The following ZNF721 variants were observed in gnomAD, a reference collection of about 807,000 sequenced individuals.
The protein encoded by ZNF721 is zinc finger protein 721.
ZNF721 carries 2 observed loss-of-function variants against 2.4 expected under a neutral mutation model. That is an observed-to-expected ratio of 0.82 (90% confidence interval 0.34 to 2.58). ZNF721 has a LOEUF of 2.58. Ranked by LOEUF, ZNF721 falls within the 30% of genes most tolerant of loss-of-function variation. The pLI, the probability that ZNF721 is intolerant of heterozygous loss-of-function variation, is 0.11. For synonymous variants in ZNF721, 398 were observed against 381.8 expected, an observed-to-expected ratio of 1.04 and a Z score of -0.50; for missense variants, 1,187 against 1,085.5, an observed-to-expected ratio of 1.09 and a Z score of -1.31.
At chr4:472,152 T>C (rs1248615997) in intron 2 of ZNF721, among the ~76,000 whole-genome samples, 1 of 152,226 alleles carries the variant, frequency 6.6e-6, no homozygotes, top group African/African-American at 2.4e-5. Context: ...AACCTCTGCC[T>C]CCCAGGTTCA....
At chr4:475,389 C>T (rs1715599486) in intron 1 of ZNF721, among the ~76,000 whole-genome samples, 1 of 151,974 alleles carries the variant, frequency 6.6e-6, no homozygotes, top group African/African-American at 2.4e-5. Flanking sequence ...TTGCTATGCC[C>T]CTCCTAGATT....
intron 2 of ZNF721, among the ~76,000 whole-genome samples, chr4:455,689 G>C (rs1009176910): frequency 6.6e-6 from 1 of 151,880 alleles, no homozygotes; most frequent in African/African-American, 2.4e-5. Flanking sequence ...CAAAATTACA[G>C]AAACAGTAAG....
chr4:475,419 C>G (rs1715599818), intron 1 of ZNF721, among the ~76,000 whole-genome samples: 1 of 152,060 alleles, frequency 6.6e-6, no homozygotes, highest in Non-Finnish European at 1.5e-5. Flanking sequence ...AAGTCATAAT[C>G]TGAGTATTGA....
At chr4:494,914 C>T (rs548453284) in intron 1 of ZNF721, among the ~76,000 whole-genome samples, 70 of 137,244 alleles carry the variant, frequency 5.1e-4, no homozygotes, top group Non-Finnish European at 8.7e-4. Context: ...TTTTTTGAGA[C>T]GGAGTCTCAC....
At chr4:493,171 TAA>T (rs79248295) in intron 1 of ZNF721, among the ~76,000 whole-genome samples, 64 of 131,782 alleles carry the variant, frequency 4.9e-4, no homozygotes, top group Admixed American at 4.7e-4. Flanking sequence ...ACTGAGACAG[TAA>T]AAAAAAAAAA....
chr4:442,849 G>A lies in ZNF721; in HGVS notation c.1618C>T (p.Gln540Ter), dbSNP rs1553863486. 3 of 1,613,250 alleles carry A rather than the reference G, an allele frequency of 1.9e-6. No individual in the cohort carries two copies. Among genetic ancestry groups the A allele is most frequent in the Non-Finnish European group, 2.5e-6 (3 of 1,179,746 alleles). The change falls in exon 3 of 3, where the codon CAG becomes TAG. Residue 540 changes from glutamine to a stop codon, truncating the protein, a stop_gained. Transcript: ENST00000511833. LOFTEE classifies it low-confidence loss of function (END_TRUNC). Reference protein sequence around the residue: ...TCEVCGKAFRQSAILYVHRRI... With the variant: ...TCEVCGKAFR ...CTATGTACATAAAGGATTGCGGACT[G>A]TCTAAAGGCTTTGCCACATACTTCA...
chr4:485,724 C>T (rs1715877559), intron 1 of ZNF721, among the ~76,000 whole-genome samples: 1 of 152,168 alleles, frequency 6.6e-6, no homozygotes, highest in South Asian at 2.1e-4. Context: ...GCCTGTAATC[C>T]CAGCACTTTG....
At position 443,000 on chromosome 4, in the gene ZNF721, A is replaced by G. The variant is rs782514186; in HGVS notation, c.1467T>C (p.Ala489=). 5 of 1,613,866 alleles carry G rather than the reference A, an allele frequency of 3.1e-6. No homozygotes were observed. The highest frequency in any genetic ancestry group is 1.1e-5 in the South Asian group (1 of 91,074). Residue 489 remains alanine, a synonymous_variant, in exon 3 of 3, where the codon GCT becomes GCC. Transcript: ENST00000511833. ...GKVITSSSSF[A]KHKRIHTGEK... is the part of the protein sequence containing the mutation. ...CGCCAGTATGAATCCTCTTATGTTT[A>G]GCAAAGCTTGAGGATGAGGTAATGA... is the stretch of plus-strand genomic sequence containing the variant.
At chr4:486,015 T>C (rs1321184247) in intron 1 of ZNF721, among the ~76,000 whole-genome samples, 1 of 151,974 alleles carries the variant, frequency 6.6e-6, no homozygotes, top group African/African-American at 2.4e-5. Flanking sequence ...GATTCTGGCT[T>C]AATTATTCCG....
At position 440,323 on chromosome 4, in the gene ZNF721, C is replaced by A. The variant is rs1560221669; in HGVS notation, c.*1372G>T. ...TATCTCTGACGCAGCAACAATTTAT[C>A]ACATGCTTTCACATAAATGAGAATG... is the stretch of plus-strand genomic sequence containing the variant. On this transcript the variant is annotated 3_prime_UTR_variant, in exon 3 of 3. Transcript: ENST00000511833. 1 of 152,164 alleles carries A rather than the reference C, an allele frequency of 6.6e-6. No homozygotes were observed. 9.4% of individuals were successfully genotyped at this position (152,164 alleles called of 1,614,324 possible).
chr4:454,072 T>C (rs1327897015), intron 2 of ZNF721: 1 of 149,982 alleles, frequency 6.7e-6, no homozygotes, highest in Non-Finnish European at 1.5e-5. Context: ...ATCAACAGCA[T>C]TGTCCCTAAT....
chr4:485,252 G>A (rs1715865063), intron 1 of ZNF721, among the ~76,000 whole-genome samples: 1 of 152,054 alleles, frequency 6.6e-6, no homozygotes, highest in African/African-American at 2.4e-5. Flanking sequence ...ATTTATTCTT[G>A]CCCTGACCCT....
rs568099466 is a variant in ZNF721 at position 498,366 on chromosome 4, G to A, written c.-94+690C>T. Among the ~76,000 whole-genome samples the A allele has an allele frequency of 1.4e-3, 209 of 152,278 alleles. 1 individual carries two copies. Among genetic ancestry groups the A allele is most frequent in the Non-Finnish European group, 2.6e-3 (174 of 68,030 alleles). On this transcript the variant is annotated intron_variant, in intron 1 of 2. Coordinates refer to ENST00000511833, the MANE Select transcript of ZNF721 (RefSeq NM_133474.4). ...GTTTCTGATAAGCCTCTCCAAAGGA[G>A]GCTATCAATATGCATTTATCTCAGT...
intron 2 of ZNF721, among the ~76,000 whole-genome samples, chr4:459,842 GT>G (rs1202733244): frequency 7.5e-4 from 113 of 151,642 alleles, no homozygotes; most frequent in Middle Eastern, 3.4e-3. Context: ...AAAAAAAAAG[GT>G]GGGGGAGGGG....
At chr4:447,855 T>C (rs1372357416) in intron 2 of ZNF721, among the ~76,000 whole-genome samples, 1 of 152,232 alleles carries the variant, frequency 6.6e-6, no homozygotes, top group Non-Finnish European at 1.5e-5. Context: ...GACAAATGTG[T>C]GTATACATAT....
intron 2 of ZNF721, 68 bp from the exon 3 acceptor site, chr4:444,500 A>G (rs782217806): frequency 7.1e-6 from 10 of 1,415,410 alleles, no homozygotes; most frequent in Admixed American, 5.0e-5. Flanking sequence ...TACAAATCAT[A>G]AGATTATACA....
At chr4:448,007 C>CAA (rs1345368593) in intron 2 of ZNF721, among the ~76,000 whole-genome samples, 1 of 151,896 alleles carries the variant, frequency 6.6e-6, no homozygotes, top group Non-Finnish European at 1.5e-5. Flanking sequence ...AATAATGAAA[C>CAA]AAGATAAAAT....
Position 442,678 on chromosome 4 carries a change from A to G in ZNF721, c.1789T>C (p.Tyr597His), listed in dbSNP as rs1714298589. The G allele has an allele frequency of 6.2e-7, 1 of 1,613,982 alleles. No individual in the cohort carries two copies. Among genetic ancestry groups the G allele is most frequent in the African/African-American group, 1.3e-5 (1 of 74,924 alleles). Residue 597 changes from tyrosine to histidine, a missense_variant, in exon 3 of 3, where the codon TAC becomes CAC. By Grantham distance (83) the Tyr-to-His change is moderately conservative. Coordinates refer to ENST00000511833, the MANE Select transcript of ZNF721 (RefSeq NM_133474.4). ...TTCTTGTGTTGATTCAGGTCTGTGT[A>G]CCGTCCAAAGGCTTTGCCACACTCT... ...CEECGKAFGR[Y>H]TDLNQHKKIH...
rs1236658452 is a variant in ZNF721 at position 474,062 on chromosome 4, G to C, written c.-93-1361C>G. The C allele has an allele frequency of 2.8e-6, 4 of 1,450,802 alleles. No individual in the cohort carries two copies. The East Asian group carries it at 9.9e-5, about 36-fold the overall frequency. 89.9% of individuals were successfully genotyped at this position (1,450,802 alleles called of 1,614,324 possible). ...CAGGTTACAGAGCGATGGAGGCTGA[G>C]GCTCTGGCAAAATCACCGAGGCCTC... is the stretch of plus-strand genomic sequence containing the variant. On this transcript the variant is annotated intron_variant, in intron 1 of 2. Transcript: ENST00000511833.
Sources: gnomAD v4.1 joint callset for allele counts (sites outside exome capture counted in the v4.1 genomes callset) on GRCh38, gnomAD v4.1.1 for gene constraint, MANE v1.5 for transcripts, NCBI Gene and HGNC (gene_info 2026-07-23, HGNC 2026-07-21) for gene names.